C6: variants seen among roughly 807,000 people sequenced by gnomAD.
The protein encoded by C6 is complement component C6.
Under a neutral mutation model 112.9 loss-of-function variants are expected in C6, and 101 were observed. That is an observed-to-expected ratio of 0.89 (90% confidence interval 0.76 to 1.06). The LOEUF is 1.06. C6 is among the 50% of genes least tolerant of loss of function. The pLI is 0.00. For synonymous variants in C6, 431 were observed against 384.1 expected (o/e 1.12, Z -1.43); for missense variants, 1,202 against 1,104.6 (o/e 1.09, Z -1.25).
At chr5:41,210,282 A>G (rs1039778120) in intron 1 of C6, among the ~76,000 whole-genome samples, 7 of 152,212 alleles carry the variant, frequency 4.6e-5, no homozygotes, top group African/African-American at 1.4e-4. Context: ...AAACCTAGGC[A>G]ATACCATTCA....
upstream of C6, chr5:41,213,584 G>A: frequency 1.0e-6 from 1 of 984,280 alleles, no homozygotes; most frequent in Non-Finnish European, 1.2e-6. Context: ...CTTGAACTTT[G>A]CAAATGATTA....
At position 41,142,905 on chromosome 5, in the gene C6, A is replaced by G; in HGVS notation, c.2725T>C (p.Leu909=). Residue 909 remains leucine, a synonymous_variant, in exon 18 of 18, where the codon TTG becomes CTG. Coordinates refer to ENST00000337836, the MANE Select transcript of C6 (RefSeq NM_000065.5). The part of the protein sequence containing the change: ...KMGSSTSEKT[L]NICEVGTIRC... The stretch of plus-strand genomic sequence containing the variant: ...ATAGTTCCCACTTCACAGATGTTCA[A>G]TGTTTTCTCACTTGTTGATGATCCC... The G allele has an allele frequency of 3.7e-6, 6 of 1,613,592 alleles. No homozygotes were observed. The highest frequency in any genetic ancestry group is 5.1e-6 in the Non-Finnish European group (6 of 1,179,686).
chr5:41,156,113 C>G (rs1746880656), intron 13 of C6, among the ~76,000 whole-genome samples: 2 of 151,808 alleles, frequency 1.3e-5, no homozygotes. Context: ...TACTTTACCA[C>G]CCTCACCTCC....
chr5:41,227,413 A>G (rs953590551), intron 1 of C6, among the ~76,000 whole-genome samples: 1 of 151,430 alleles, frequency 6.6e-6, no homozygotes, highest in Non-Finnish European at 1.5e-5. Flanking sequence ...TTGTCTGTTC[A>G]CTCTATTGAT....
chr5:41,232,907 A>G (rs542378737), intron 1 of C6, among the ~76,000 whole-genome samples: 76 of 152,112 alleles, frequency 5.0e-4, no homozygotes, highest in Non-Finnish European at 8.7e-4. Context: ...TGTGACAAGG[A>G]CCATGTCTAC....
intron 5 of C6, among the ~76,000 whole-genome samples, chr5:41,186,866 G>T (rs1156867484): frequency 6.6e-6 from 1 of 151,802 alleles, no homozygotes; most frequent in South Asian, 2.1e-4. Flanking sequence ...GGCACATAGA[G>T]ATTAATTAGC....
rs1272010542 is a variant in C6, at chr5:41,199,832, G to T, written c.381C>A (p.Cys127Ter). Reference sequence around the variant, plus strand: ...CAATTTTGCAGAGCTTAGATGGAATGCATGGTTGAAAGGCTACCAGAGGCG... The same window carrying T: ...CAATTTTGCAGAGCTTAGATGGAATTCATGGTTGAAAGGCTACCAGAGGCG... Reference protein sequence around the residue: ...CTAPLVAFQPCIPSKLCKIEE... With the variant: ...CTAPLVAFQP Residue 127 changes from cysteine to a stop codon, truncating the protein, a stop_gained, in exon 4 of 18, where the codon TGC (cysteine) becomes TGA (stop). Transcript: ENST00000337836. LOFTEE classifies it high-confidence loss of function. 6.2e-7 allele frequency: 1 copy of T among 1,613,576 alleles called. No individual in the cohort carries two copies. The highest frequency in any genetic ancestry group is 1.3e-5 in the African/African-American group (1 of 75,028).
At chr5:41,187,699 TACACAC>T (rs201227440) in intron 5 of C6, among the ~76,000 whole-genome samples, 2,252 of 123,322 alleles carry the variant, frequency 0.018, 55 homozygotes, top group African/African-American at 0.065. Flanking sequence ...GACACACACA[TACACAC>T]ACACACACAC....
intron 17 of C6, among the ~76,000 whole-genome samples, chr5:41,144,444 C>G (rs915225454): frequency 6.6e-6 from 1 of 151,898 alleles, no homozygotes; most frequent in African/African-American, 2.4e-5. Flanking sequence ...ATCTATTACT[C>G]TTTGTAGAGA....
chr5:41,187,534 C>T (rs1297518492), intron 5 of C6, among the ~76,000 whole-genome samples: 2 of 152,098 alleles, frequency 1.3e-5, no homozygotes, highest in African/African-American at 2.4e-5. Flanking sequence ...TACTCAGGCG[C>T]TTCTAACCAA....
At chr5:41,191,390 T>C (rs1218729526) in intron 5 of C6, among the ~76,000 whole-genome samples, 1 of 152,198 alleles carries the variant, frequency 6.6e-6, no homozygotes, top group East Asian at 1.9e-4. Context: ...TTGCTTTGGC[T>C]ATTAAGGTTT....
intron 1 of C6, among the ~76,000 whole-genome samples, chr5:41,204,632 G>A (rs1383714433): frequency 1.3e-5 from 2 of 150,578 alleles, no homozygotes; most frequent in South Asian, 4.2e-4. Flanking sequence ...CAGAAACTAG[G>A]GTATTTCTTG....
intron 1 of C6, among the ~76,000 whole-genome samples, chr5:41,209,283 T>A (rs148453522): frequency 0.056 from 8,596 of 152,254 alleles, 285 homozygotes; most frequent in Middle Eastern, 0.086. Context: ...GAGTAAAAAC[T>A]GGAAGCATTC....
chr5:41,167,633 T>G (rs954400665), intron 9 of C6, among the ~76,000 whole-genome samples: 1 of 152,136 alleles, frequency 6.6e-6, no homozygotes, highest in African/African-American at 2.4e-5. Flanking sequence ...TTTCAAATTT[T>G]TTTGCACAAA....
chr5:41,224,390 G>A (rs1160622571), intron 1 of C6, among the ~76,000 whole-genome samples: 1 of 152,124 alleles, frequency 6.6e-6, no homozygotes, highest in Non-Finnish European at 1.5e-5. Flanking sequence ...CCCATTAGCA[G>A]CCACTCCCTA....
intron 1 of C6, among the ~76,000 whole-genome samples, chr5:41,234,363 T>G (rs1422564277): frequency 1.4e-5 from 2 of 139,326 alleles, no homozygotes; most frequent in Admixed American, 6.8e-5. Context: ...TTTTGTTTTT[T>G]GTTTTTTTTT....
chr5:41,241,325 C>A (rs897102168), intron 1 of C6, among the ~76,000 whole-genome samples: 1 of 152,172 alleles, frequency 6.6e-6, no homozygotes, highest in Non-Finnish European at 1.5e-5. Context: ...TGGGAAGATT[C>A]TAACAATAAA....
intron 1 of C6, among the ~76,000 whole-genome samples, chr5:41,254,202 C>G (rs1741536643): frequency 6.6e-6 from 1 of 152,086 alleles, no homozygotes; most frequent in African/African-American, 2.4e-5. Flanking sequence ...GAGATCGAGA[C>G]CATCCTGGCT....
intron 9 of C6, among the ~76,000 whole-genome samples, chr5:41,171,026 A>G: frequency 6.6e-6 from 1 of 152,188 alleles, no homozygotes; most frequent in East Asian, 1.9e-4. Flanking sequence ...ATTCCTCTCA[A>G]TAAAATGTGT....
Sources: allele counts gnomAD v4.1 joint callset (sites outside exome capture counted in the v4.1 genomes callset), GRCh38; gene constraint gnomAD v4.1.1; transcripts MANE v1.5; gene names NCBI Gene and HGNC (gene_info 2026-07-23, HGNC 2026-07-21).